The following EDIL3 variants were observed in gnomAD, a reference collection of about 807,000 sequenced individuals.
The protein encoded by EDIL3 is EGF-like repeat and discoidin I-like domain-containing protein 3.
A neutral mutation model predicts 67.4 loss-of-function variants in EDIL3; 37 were observed. The ratio of observed to expected loss-of-function variants is 0.55; its 90% confidence interval spans 0.42 to 0.72. The LOEUF (loss-of-function observed/expected upper bound fraction) is 0.72, where lower values mean the gene tolerates loss of function less well. EDIL3 is among the 30% of genes least tolerant of loss of function. EDIL3 has a pLI of 0.00. For synonymous variants in EDIL3, 195 were observed against 196.3 expected, an observed-to-expected ratio of 0.99 and a Z score of 0.05; for missense variants, 527 against 586.3, an observed-to-expected ratio of 0.90 and a Z score of 1.04.
chr5:84,353,237 A>T (rs1747401819), intron 1 of EDIL3, among the ~76,000 whole-genome samples: 2 of 152,192 alleles, frequency 1.3e-5, no homozygotes, highest in Non-Finnish European at 2.9e-5. Context: ...GTGCCCAATC[A>T]AAAGGGAAGG....
Position 84,214,322 on chromosome 5 carries a change from G to A in EDIL3, c.226+15533C>T, listed in dbSNP as rs375472174. Among the ~76,000 whole-genome samples the A allele has an allele frequency of 5.9e-5, 9 of 152,216 alleles. No individual in the cohort carries two copies. In the East Asian group the frequency reaches 9.7e-4, roughly 16 times the overall value. ...GGGGGATGGATTCCAGGAACCCTCA[G>A]GGAGATAAAAATCCTCAGATGTTCC... is the stretch of plus-strand genomic sequence containing the variant. On this transcript the variant is annotated intron_variant, in intron 3 of 10. Transcript: ENST00000296591.
At chr5:84,134,859 A>C (rs1748060361) in intron 5 of EDIL3, among the ~76,000 whole-genome samples, 1 of 152,178 alleles carries the variant, frequency 6.6e-6, no homozygotes, top group South Asian at 2.1e-4. Context: ...TGACAGTTGA[A>C]GGGAGGCATG....
intron 10 of EDIL3, among the ~76,000 whole-genome samples, chr5:83,950,341 G>A (rs898726182): frequency 4.6e-5 from 7 of 151,802 alleles, no homozygotes; most frequent in South Asian, 4.1e-4. Flanking sequence ...GTGGGTTTAG[G>A]GAATCCTGAA....
chr5:84,234,059 C>A (rs1744634527), intron 2 of EDIL3, among the ~76,000 whole-genome samples: 1 of 152,126 alleles, frequency 6.6e-6, no homozygotes, highest in African/African-American at 2.4e-5. Context: ...ATCTAAATGG[C>A]AATCTGCTAC....
intron 4 of EDIL3, among the ~76,000 whole-genome samples, chr5:84,175,833 T>C (rs1245402098): frequency 6.6e-6 from 1 of 152,160 alleles, no homozygotes; most frequent in Non-Finnish European, 1.5e-5. Context: ...TGTTTTTAAC[T>C]AAATTCAGGC....
At chr5:84,176,187 T>C (rs1382194031) in intron 4 of EDIL3, among the ~76,000 whole-genome samples, 3 of 37,734 alleles carry the variant, frequency 8.0e-5, no homozygotes, top group Non-Finnish European at 1.4e-4. Context: ...AAAAAATATA[T>C]ATATATATAT....
At chr5:84,220,856 A>G (rs970483401) in intron 3 of EDIL3, among the ~76,000 whole-genome samples, 1 of 152,098 alleles carries the variant, frequency 6.6e-6, no homozygotes, top group Non-Finnish European at 1.5e-5. Context: ...GTCATGCATA[A>G]GGATGCATAT....
chr5:84,233,927 T>A (rs946318512), intron 2 of EDIL3, among the ~76,000 whole-genome samples: 1 of 152,134 alleles, frequency 6.6e-6, no homozygotes, highest in African/African-American at 2.4e-5. Flanking sequence ...GATTTTAGAA[T>A]CTTGATGAGA....
intron 1 of EDIL3, among the ~76,000 whole-genome samples, chr5:84,324,920 T>C (rs1262526360): frequency 7.5e-6 from 1 of 132,684 alleles, no homozygotes; most frequent in Non-Finnish European, 1.7e-5. Flanking sequence ...GTCAAAATTC[T>C]CCTGATTAAA....
intron 1 of EDIL3, among the ~76,000 whole-genome samples, chr5:84,302,745 A>G (rs1287909618): frequency 6.6e-6 from 1 of 152,222 alleles, no homozygotes. Context: ...CTTTCCAGAT[A>G]GTATCATCGA....
At chr5:83,947,402 T>C (rs1561382084) in intron 10 of EDIL3, among the ~76,000 whole-genome samples, 1 of 151,228 alleles carries the variant, frequency 6.6e-6, no homozygotes, top group African/African-American at 2.4e-5. Context: ...TGTGTGTGTG[T>C]GTGCAGAGGT....
At chr5:83,980,485 G>T (rs1284223040) in intron 9 of EDIL3, among the ~76,000 whole-genome samples, 3 of 151,530 alleles carry the variant, frequency 2.0e-5, no homozygotes, top group Admixed American at 2.0e-4. Context: ...AAGGCCAAGA[G>T]ATCAAGACCA....
chr5:84,169,007 A>G (rs559914211), intron 4 of EDIL3, among the ~76,000 whole-genome samples: 4 of 152,170 alleles, frequency 2.6e-5, no homozygotes, highest in South Asian at 4.1e-4. Context: ...CTCCAGACAC[A>G]TACCCATCTT....
intron 1 of EDIL3, among the ~76,000 whole-genome samples, chr5:84,361,602 AC>A (rs1471049655): frequency 2.6e-5 from 4 of 151,876 alleles, no homozygotes; most frequent in Non-Finnish European, 5.9e-5. Context: ...CTGGAAACCT[AC>A]ATATCTTACT....
chr5:84,144,448 A>G (rs1354177013), intron 4 of EDIL3, among the ~76,000 whole-genome samples: 1 of 152,116 alleles, frequency 6.6e-6, no homozygotes, highest in African/African-American at 2.4e-5. Context: ...GTGTAAGGTA[A>G]CAAGGGCTAT....
intron 6 of EDIL3, among the ~76,000 whole-genome samples, chr5:84,091,313 C>A (rs1050621093): frequency 8.5e-5 from 13 of 152,202 alleles, no homozygotes; most frequent in African/African-American, 3.1e-4. Context: ...GCAGTTGAAA[C>A]TGCAGCACAT....
At chr5:84,255,906 A>T (rs1185049543) in intron 1 of EDIL3, among the ~76,000 whole-genome samples, 3 of 152,190 alleles carry the variant, frequency 2.0e-5, no homozygotes, top group African/African-American at 7.2e-5. Context: ...AAGTATAAAT[A>T]TGTTAGATCA....
intron 9 of EDIL3, among the ~76,000 whole-genome samples, chr5:83,997,444 A>G (rs527630484): frequency 9.2e-5 from 14 of 152,174 alleles, no homozygotes; most frequent in Non-Finnish European, 1.9e-4. Context: ...GGCAGTGAAA[A>G]GAGAAATTCA....
intron 6 of EDIL3, among the ~76,000 whole-genome samples, chr5:84,082,846 G>A (rs1357530277): frequency 6.6e-6 from 1 of 152,096 alleles, no homozygotes; most frequent in South Asian, 2.1e-4. Flanking sequence ...TAGCTGCTAG[G>A]AATGTTTTAT....
Sources: gnomAD v4.1 joint callset for allele counts (sites outside exome capture counted in the v4.1 genomes callset) on GRCh38, gnomAD v4.1.1 for gene constraint, MANE v1.5 for transcripts, NCBI Gene and HGNC (gene_info 2026-07-23, HGNC 2026-07-21) for gene names.